Variants in PGCKA1 observed in about 807,000 individuals in gnomAD.
PGCKA1 encodes PDCD10 and GCKIII kinases associated 1.
the PGCKA1 span, chr4:37,590,850 T>C: frequency 4.3e-6 from 7 of 1,614,216 alleles, no homozygotes; most frequent in Non-Finnish European, 5.9e-6. Flanking sequence ...ATGCCATGCC[T>C]GTGGTTGACT....
At chr4:37,501,344 G>A in the PGCKA1 span, among the ~76,000 whole-genome samples, 1 of 152,116 alleles carries the variant, frequency 6.6e-6, no homozygotes, top group Admixed American at 6.5e-5. Flanking sequence ...ACCAACAGGG[G>A]CATCAGATTC....
chr4:37,527,347 A>C, the PGCKA1 span, among the ~76,000 whole-genome samples: 7 of 152,200 alleles, frequency 4.6e-5, no homozygotes, highest in Admixed American at 1.3e-4. Context: ...TGAAGTCTCC[A>C]GTAGTGTCCA....
At chr4:37,558,027 G>A in the PGCKA1 span, 1 of 152,182 alleles carries the variant, frequency 6.6e-6, no homozygotes, top group African/African-American at 2.4e-5. Flanking sequence ...GTTGTTGCAG[G>A]AAGAGAAGTT....
the PGCKA1 span, among the ~76,000 whole-genome samples, chr4:37,505,647 C>A: frequency 6.6e-6 from 1 of 152,146 alleles, no homozygotes; most frequent in Admixed American, 6.5e-5. Context: ...CTCAGGGAAA[C>A]TCCCCCTTAT....
chr4:37,528,619 A>C, the PGCKA1 span, among the ~76,000 whole-genome samples: 1 of 151,954 alleles, frequency 6.6e-6, no homozygotes, highest in Non-Finnish European at 1.5e-5. Context: ...TTAAAAACTA[A>C]AAAAAAAGCC....
At chr4:37,561,051 C>T in the PGCKA1 span, among the ~76,000 whole-genome samples, 1 of 152,168 alleles carries the variant, frequency 6.6e-6, no homozygotes, top group African/African-American at 2.4e-5. Flanking sequence ...CAGCATGCAC[C>T]TCCACTGCTC....
chr4:37,551,630 C>T, the PGCKA1 span, among the ~76,000 whole-genome samples: 1 of 152,168 alleles, frequency 6.6e-6, no homozygotes, highest in Non-Finnish European at 1.5e-5. Context: ...TAATCAAAGG[C>T]AAGTACTCAA....
the PGCKA1 span, among the ~76,000 whole-genome samples, chr4:37,569,463 C>T: frequency 1.3e-5 from 2 of 151,960 alleles, no homozygotes; most frequent in Non-Finnish European, 2.9e-5. Flanking sequence ...CCTCCCAAAG[C>T]GCTGGGGTTA....
the PGCKA1 span, among the ~76,000 whole-genome samples, chr4:37,458,289 C>A: frequency 6.6e-6 from 1 of 152,170 alleles, no homozygotes; most frequent in Non-Finnish European, 1.5e-5. Flanking sequence ...ATGAAAAACT[C>A]ATTCTATATT....
chr4:37,454,735 G>A, the PGCKA1 span, among the ~76,000 whole-genome samples: 1 of 152,254 alleles, frequency 6.6e-6, no homozygotes, highest in Non-Finnish European at 1.5e-5. Context: ...CAGCCCTGAT[G>A]AGGCGAGATT....
chr4:37,518,707 C>G, the PGCKA1 span, among the ~76,000 whole-genome samples: 1 of 152,086 alleles, frequency 6.6e-6, no homozygotes, highest in Non-Finnish European at 1.5e-5. Flanking sequence ...AATATTTTCT[C>G]CCATTCTGTG....
the PGCKA1 span, among the ~76,000 whole-genome samples, chr4:37,488,812 C>G: frequency 6.6e-6 from 1 of 152,136 alleles, no homozygotes; most frequent in Non-Finnish European, 1.5e-5. Context: ...CATCTCCTAT[C>G]AACATAACCT....
chr4:37,463,385 C>G, the PGCKA1 span, among the ~76,000 whole-genome samples: 77,658 of 152,106 alleles, frequency 0.51, 20,119 homozygotes, highest in African/African-American at 0.53. Context: ...GTCAAGATTG[C>G]AGTTACAATT....
At chr4:37,465,952 C>T in the PGCKA1 span, among the ~76,000 whole-genome samples, 1 of 152,124 alleles carries the variant, frequency 6.6e-6, no homozygotes, top group African/African-American at 2.4e-5. Flanking sequence ...AGCAAGAATG[C>T]TTTGAACCGG....
chr4:37,494,576 C>T, the PGCKA1 span, among the ~76,000 whole-genome samples: 3 of 152,154 alleles, frequency 2.0e-5, no homozygotes, highest in Non-Finnish European at 4.4e-5. Flanking sequence ...AACAGTGCTG[C>T]AGTGAACATA....
chr4:37,586,184 T>C, the PGCKA1 span, among the ~76,000 whole-genome samples: 1 of 152,106 alleles, frequency 6.6e-6, no homozygotes, highest in Admixed American at 6.6e-5. Context: ...GCCAAGTGAC[T>C]GAGGCCCAAA....
chr4:37,491,765 G>A, the PGCKA1 span, among the ~76,000 whole-genome samples: 2 of 151,914 alleles, frequency 1.3e-5, no homozygotes, highest in Admixed American at 6.5e-5. Context: ...TTCTTCTGTG[G>A]GTTTTTATTT....
chr4:37,461,637 T>C, the PGCKA1 span, among the ~76,000 whole-genome samples: 1 of 151,952 alleles, frequency 6.6e-6, no homozygotes, highest in Non-Finnish European at 1.5e-5. Flanking sequence ...ATTGCTGGAC[T>C]AGAGTAGGGG....
the PGCKA1 span, among the ~76,000 whole-genome samples, chr4:37,555,589 G>A: frequency 6.6e-6 from 1 of 152,188 alleles, no homozygotes; most frequent in African/African-American, 2.4e-5. Context: ...TGGTGCTTAG[G>A]AGACAAAGGG....
Sources: allele counts gnomAD v4.1 joint callset (sites outside exome capture counted in the v4.1 genomes callset), GRCh38; gene constraint gnomAD v4.1.1; transcripts MANE v1.5; gene names NCBI Gene and HGNC (gene_info 2026-07-23, HGNC 2026-07-21).